SNTG1: variants seen among roughly 807,000 people sequenced by gnomAD.
The protein encoded by SNTG1 is gamma-1-syntrophin.
In SNTG1, 39 loss-of-function variants were observed where a neutral mutation model predicts 74.7. The ratio of observed to expected loss-of-function variants is 0.52; its 90% CI spans 0.40 to 0.68. The LOEUF (loss-of-function observed/expected upper bound fraction) is 0.68, where lower values mean the gene tolerates loss of function less well. Ranked by LOEUF, SNTG1 falls within the 30% of genes least tolerant of loss-of-function variation. The probability of loss-of-function intolerance (pLI) is 0.00; values close to 1 mark genes in which losing one functional copy is unlikely to be tolerated. For synonymous variants in SNTG1, 254 were observed against 217.1 expected (o/e 1.17, Z -1.49); for missense variants, 685 against 609.5 (o/e 1.12, Z -1.30).
At chr8:50,664,368 T>C (rs537499709) in intron 15 of SNTG1, among the ~76,000 whole-genome samples, 31 of 152,250 alleles carry the variant, frequency 2.0e-4, no homozygotes, top group Non-Finnish European at 5.9e-5. Flanking sequence ...AAAGTGAATA[T>C]ATATCAAGAA....
rs552920940 is a variant in SNTG1, at chr8:50,738,862, G to A, written c.1285-13139G>A. Among the ~76,000 whole-genome samples, 80 of 151,648 alleles carry A rather than the reference G, an allele frequency of 5.3e-4. 1 individual carries two copies. Among genetic ancestry groups the A allele is most frequent in the African/African-American group, 1.6e-3 (68 of 41,408 alleles). ...TGCTAGGAAAACTGGCTAGCCATAC[G>A]CAGAAAACTGAAACTGGACCCCCTT... On this transcript the variant is annotated intron_variant, in intron 17 of 18. Coordinates refer to ENST00000642720, the MANE Select transcript of SNTG1 (RefSeq NM_018967.5).
intron 1 of SNTG1, among the ~76,000 whole-genome samples, chr8:50,166,774 A>G (rs2082628546): frequency 7.1e-6 from 1 of 141,478 alleles, no homozygotes; most frequent in South Asian, 2.4e-4. Context: ...ATTACTGGGT[A>G]TATACCCAAA....
chr8:50,240,733 T>C (rs1325981084), intron 2 of SNTG1, among the ~76,000 whole-genome samples: 1 of 152,108 alleles, frequency 6.6e-6, no homozygotes, highest in African/African-American at 2.4e-5. Context: ...CCCTCACCCA[T>C]AAGTACTTTA....
At chr8:50,109,683 C>T (rs917216878) in intron 1 of SNTG1, among the ~76,000 whole-genome samples, 1 of 152,124 alleles carries the variant, frequency 6.6e-6, no homozygotes, top group African/African-American at 2.4e-5. Flanking sequence ...ATCCTCGGTT[C>T]TTGGTCTTAC....
chr8:50,150,901 G>T (rs944231416), intron 1 of SNTG1, among the ~76,000 whole-genome samples: 6 of 152,154 alleles, frequency 3.9e-5, no homozygotes, highest in African/African-American at 1.4e-4. Context: ...CCAGGCTTTG[G>T]TATCAGGATG....
intron 18 of SNTG1, among the ~76,000 whole-genome samples, chr8:50,777,882 G>C (rs996498290): frequency 6.6e-6 from 1 of 151,888 alleles, no homozygotes; most frequent in Non-Finnish European, 1.5e-5. Context: ...TCCCCAGAGT[G>C]TGATGTTCCC....
intron 2 of SNTG1, among the ~76,000 whole-genome samples, chr8:50,220,774 C>T (rs538011530): frequency 6.6e-6 from 1 of 152,320 alleles, no homozygotes; most frequent in African/African-American, 2.4e-5. Context: ...AGTGCTTTTC[C>T]TGCCAGCATG....
chr8:50,366,991 A>G (rs2092133749), intron 2 of SNTG1, among the ~76,000 whole-genome samples: 4 of 150,388 alleles, frequency 2.7e-5, no homozygotes, highest in Non-Finnish European at 4.4e-5. Context: ...ATACAGATTT[A>G]AGGAATCATC....
chr8:50,669,212 A>AT (rs1179181975), intron 15 of SNTG1, among the ~76,000 whole-genome samples: 2 of 142,734 alleles, frequency 1.4e-5, no homozygotes, highest in African/African-American at 2.5e-5. Context: ...GGAAATAGAG[A>AT]TTTAAAAAAA....
intron 1 of SNTG1, among the ~76,000 whole-genome samples, chr8:50,004,383 C>T (rs892609239): frequency 6.6e-5 from 10 of 151,948 alleles, no homozygotes; most frequent in Non-Finnish European, 1.5e-4. Flanking sequence ...GGTGGTTTCC[C>T]AAATCTAAGT....
chr8:50,177,795 A>G (rs1020402539), intron 2 of SNTG1, among the ~76,000 whole-genome samples: 1 of 152,196 alleles, frequency 6.6e-6, no homozygotes, highest in Non-Finnish European at 1.5e-5. Context: ...TGACAAATGC[A>G]TATCATGGAA....
intron 11 of SNTG1, among the ~76,000 whole-genome samples, chr8:50,538,772 T>G (rs766431668): frequency 7.9e-5 from 12 of 152,162 alleles, no homozygotes; most frequent in South Asian, 2.1e-4. Flanking sequence ...AACACTTGAT[T>G]AGTCCCGCTT....
intron 12 of SNTG1, among the ~76,000 whole-genome samples, chr8:50,587,163 T>G (rs527450153): frequency 6.6e-6 from 1 of 151,486 alleles, no homozygotes; most frequent in East Asian, 1.9e-4. Flanking sequence ...ATATATAAAT[T>G]TATATATGTT....
chr8:50,528,749 G>A (rs761017008), intron 9 of SNTG1, among the ~76,000 whole-genome samples: 15 of 151,026 alleles, frequency 9.9e-5, no homozygotes, highest in Non-Finnish European at 1.9e-4. Context: ...TCTCAGTAAT[G>A]ACCCCTCCTT....
intron 1 of SNTG1, among the ~76,000 whole-genome samples, chr8:49,958,713 C>T (rs1427260151): frequency 6.6e-6 from 1 of 152,188 alleles, no homozygotes; most frequent in Non-Finnish European, 1.5e-5. Context: ...GCCACTACGC[C>T]CAGCCAACAT....
At chr8:49,973,282 A>G (rs1206414207) in intron 1 of SNTG1, among the ~76,000 whole-genome samples, 1 of 150,094 alleles carries the variant, frequency 6.7e-6, no homozygotes, top group African/African-American at 2.4e-5. Context: ...CAAACACCGC[A>G]TGTTCTCACT....
intron 11 of SNTG1, among the ~76,000 whole-genome samples, chr8:50,551,227 T>C (rs2094424184): frequency 6.6e-6 from 1 of 152,132 alleles, no homozygotes; most frequent in Non-Finnish European, 1.5e-5. Flanking sequence ...ATAAAAAAAC[T>C]GTTCAAGTAT....
chr8:50,329,500 G>C (rs1013085822), intron 2 of SNTG1, among the ~76,000 whole-genome samples: 1 of 152,070 alleles, frequency 6.6e-6, no homozygotes, highest in Non-Finnish European at 1.5e-5. Flanking sequence ...CCACGTAGAA[G>C]CTTCCAAGAT....
intron 2 of SNTG1, among the ~76,000 whole-genome samples, chr8:50,186,052 G>A (rs1488710527): frequency 6.6e-6 from 1 of 152,064 alleles, no homozygotes; most frequent in East Asian, 1.9e-4. Flanking sequence ...CTGTGTGCAT[G>A]TGTTCTCATT....
Sources: gnomAD v4.1 joint callset for allele counts (sites outside exome capture counted in the v4.1 genomes callset) on GRCh38, gnomAD v4.1.1 for gene constraint, MANE v1.5 for transcripts, NCBI Gene and HGNC (gene_info 2026-07-23, HGNC 2026-07-21) for gene names.